DST: variants seen among roughly 807,000 people sequenced by gnomAD.
The protein encoded by DST is dystonin.
A neutral mutation model predicts 875.2 loss-of-function variants in DST; 253 were observed. The observed-to-expected ratio is 0.29, with a 90% CI of 0.26 to 0.32. DST has a LOEUF of 0.32. DST is among the 10% of genes least tolerant of loss of function. The pLI, the probability that DST is intolerant of heterozygous loss-of-function variation, is 1.00. For synonymous variants in DST, 3,124 were observed against 3,197.1 expected, an observed-to-expected ratio of 0.98 and a Z score of 0.77; for missense variants, 8,287 against 9,111.6, an observed-to-expected ratio of 0.91 and a Z score of 3.68.
chr6:56,936,497 T>C (rs1813066816), intron 2 of DST, among the ~76,000 whole-genome samples: 1 of 152,216 alleles, frequency 6.6e-6, no homozygotes, highest in African/African-American at 2.4e-5. Flanking sequence ...AAAAGTGCCC[T>C]AATTCTGGGT....
rs2098806096 is a variant in DST, at chr6:56,634,026, T to C, written c.3621+106A>G. ...TGAATAAATGAATATTAGCATGGAT[T>C]TGCCGGACTCCATCCTATTCTAAAG... On this transcript the variant is annotated intron_variant, in intron 27 of 103. Transcript: ENST00000680361. 7.0e-6 allele frequency: 9 copies of C among 1,293,400 alleles called. No individual in the cohort carries two copies. In the Admixed American group the frequency reaches 1.5e-4, roughly 22 times the overall value. The allele number at this position is 1,293,400 out of a possible 1,614,324, so 80.1% of individuals were successfully genotyped here.
At chr6:56,847,329 T>G (rs1412311731) in intron 4 of DST, among the ~76,000 whole-genome samples, 1 of 152,144 alleles carries the variant, frequency 6.6e-6, no homozygotes, top group African/African-American at 2.4e-5. Context: ...CATAAATAAA[T>G]TTTTAAATAA....
rs753911046 is a variant in DST at position 56,608,546 on chromosome 6, GAT to G, written c.6080_6081del (p.Tyr2027SerfsTer25). 1 of 1,613,466 alleles carries G rather than the reference GAT, an allele frequency of 6.2e-7. No individual in the cohort carries two copies. ...TGGATGATTCCACCAGTTTGAACCT[GAT>G]ATGTGAGGATACTGCTAGCAGTGTC... ...DRDTASSILT[Y>X]QVQTGGIIQS... On this transcript the variant is annotated frameshift_variant, in exon 40 of 104. Coordinates refer to ENST00000680361, the MANE Select transcript of DST (RefSeq NM_001374736.1). LOFTEE classifies it high-confidence loss of function.
At chr6:56,903,242 A>T (rs974545297) in intron 2 of DST, among the ~76,000 whole-genome samples, 3 of 152,174 alleles carry the variant, frequency 2.0e-5, no homozygotes, top group African/African-American at 7.2e-5. Context: ...CTTAACTGGT[A>T]TTATTACCAA....
intron 47 of DST, among the ~76,000 whole-genome samples, chr6:56,596,168 A>G (rs992681990): frequency 3.3e-5 from 5 of 152,032 alleles, no homozygotes; most frequent in African/African-American, 1.2e-4. Context: ...AGCTGGGATT[A>G]CAGGCACGCA....
At chr6:56,533,075 C>A (rs1406505280) in intron 63 of DST, among the ~76,000 whole-genome samples, 1 of 152,148 alleles carries the variant, frequency 6.6e-6, no homozygotes, top group African/African-American at 2.4e-5. Flanking sequence ...CTGTGTGAGG[C>A]TGCAAACTAA....
chr6:56,590,504 GTCACAGTA>G (rs2098252048), intron 49 of DST, among the ~76,000 whole-genome samples: 1 of 151,978 alleles, frequency 6.6e-6, no homozygotes, highest in African/African-American at 2.4e-5. Context: ...TGACCTTAAT[GTCACAGTA>G]TCTCCTCTAC....
intron 30 of DST, 31 bp from the exon 31 acceptor site, chr6:56,630,414 AT>A (rs781026982): frequency 1.4e-5 from 23 of 1,596,908 alleles, no homozygotes; most frequent in Non-Finnish European, 1.9e-5. Context: ...ATAGCCACCT[AT>A]GGTTAAATGT....
chr6:56,691,082 T>A (rs537572482), intron 9 of DST, among the ~76,000 whole-genome samples: 1 of 152,154 alleles, frequency 6.6e-6, no homozygotes, highest in Non-Finnish European at 1.5e-5. Context: ...ATATTTTCCA[T>A]TGAAGGAAAG....
At chr6:56,587,940 C>G (rs2098193414) in intron 49 of DST, among the ~76,000 whole-genome samples, 2 of 152,004 alleles carry the variant, frequency 1.3e-5, no homozygotes, top group South Asian at 4.2e-4. Flanking sequence ...ACAACCGGTA[C>G]CAGCCACTGC....
chr6:56,866,155 G>A (rs965897419), intron 3 of DST, among the ~76,000 whole-genome samples: 6 of 151,876 alleles, frequency 4.0e-5, no homozygotes, highest in African/African-American at 7.2e-5. Context: ...CACCACACCC[G>A]GCTAATTTTT....
intron 39 of DST, among the ~76,000 whole-genome samples, chr6:56,609,720 A>C (rs1198611077): frequency 6.6e-6 from 1 of 152,182 alleles, no homozygotes; most frequent in Non-Finnish European, 1.5e-5. Flanking sequence ...GTCTAGTGGC[A>C]GGAAAGAGAG....
At chr6:56,821,105 T>G (rs1449955840) in intron 4 of DST, among the ~76,000 whole-genome samples, 1 of 152,180 alleles carries the variant, frequency 6.6e-6, no homozygotes, top group African/African-American at 2.4e-5. Flanking sequence ...AGTCCACACA[T>G]CTCTTAAAAT....
At chr6:56,620,238 A>C (rs1173676436) in intron 36 of DST, 1 of 1,613,802 alleles carries the variant, frequency 6.2e-7, no homozygotes. Flanking sequence ...TGTTGCTCCA[A>C]ATCATTGAGA....
intron 5 of DST, among the ~76,000 whole-genome samples, chr6:56,733,986 G>C (rs140925908): frequency 1.3e-3 from 205 of 152,254 alleles, no homozygotes; most frequent in African/African-American, 4.7e-3. Context: ...TCCCTAGCCT[G>C]AGTCAGCACT....
intron 87 of DST, 134 bp downstream of exon 87, chr6:56,486,970 G>C: frequency 1.4e-6 from 1 of 727,342 alleles, no homozygotes; most frequent in East Asian, 2.8e-5. Context: ...ATGTGTGTGG[G>C]ATACTTAGGA....
Position 56,593,927 on chromosome 6 carries a change from TTCTGAC to T in DST, c.12456_12461del (p.Ser4153_Glu4154del), listed in dbSNP as rs2098329877. On this transcript the variant is annotated inframe_deletion, in exon 48 of 104. Transcript: ENST00000680361. ...CTGCCTCCAGGTTTTCAAGTTCTTG[TTCTGAC>T]TGCTGTAGCCAGTGCTCAAACTCGG... 6.2e-7 allele frequency: 1 copy of T among 1,613,854 alleles called. No individual in the cohort carries two copies. Among genetic ancestry groups the T allele is most frequent in the South Asian group, 1.1e-5 (1 of 91,066 alleles).
At chr6:56,934,560 T>TTATATATATATATATATA (rs60018139) in intron 2 of DST, among the ~76,000 whole-genome samples, 24 of 106,480 alleles carry the variant, frequency 2.3e-4, no homozygotes, top group African/African-American at 7.4e-4. Context: ...ATATATTATA[T>TTATATATATATATATATA]TATATATATA....
At chr6:56,623,885 A>T (rs2098711219) in intron 36 of DST, among the ~76,000 whole-genome samples, 1 of 152,090 alleles carries the variant, frequency 6.6e-6, no homozygotes, top group African/African-American at 2.4e-5. Flanking sequence ...TTATAAATGC[A>T]GAAATATGAT....
Sources: gnomAD v4.1 joint callset for allele counts (sites outside exome capture counted in the v4.1 genomes callset) on GRCh38, gnomAD v4.1.1 for gene constraint, MANE v1.5 for transcripts, NCBI Gene and HGNC (gene_info 2026-07-23, HGNC 2026-07-21) for gene names.